Variants in COPG2 observed in about 807,000 individuals in gnomAD.
COPG2 encodes the protein coatomer subunit gamma-2.
Under a neutral mutation model 46.3 loss-of-function variants are expected in COPG2, and 37 were observed. The ratio of observed to expected loss-of-function variants is 0.80; its 90% confidence interval spans 0.61 to 1.05. COPG2 has a LOEUF of 1.05. COPG2 is among the 50% of genes least tolerant of loss of function. The probability of loss-of-function intolerance (pLI) is 0.00; values close to 1 mark genes in which losing one functional copy is unlikely to be tolerated. For synonymous variants in COPG2, 159 were observed against 129.7 expected (o/e 1.23, Z -1.53); for missense variants, 427 against 387.8 (o/e 1.10, Z -0.85).
In COPG2 at chr7:130,622,218, C is replaced by A. The variant is rs1383397832; in HGVS notation, c.324-5153G>T. Among the ~76,000 whole-genome samples, 4 of 152,232 alleles carry A rather than the reference C, an allele frequency of 2.6e-5. No individual in the cohort carries two copies. The East Asian group carries it at 7.7e-4, about 29-fold the overall frequency. ...CACTGGTTATTTAATGAGCAATCTT[C>A]CGAGGAGCCTTATGAAATACATCTC... On this transcript the variant is annotated intron_variant, in intron 5 of 23. Coordinates refer to ENST00000425248, the MANE Select transcript of COPG2 (RefSeq NM_012133.6).
intron 20 of COPG2, among the ~76,000 whole-genome samples, chr7:130,513,341 A>ATATATATATGTG (rs1215646008): frequency 6.0e-4 from 31 of 51,526 alleles, no homozygotes; most frequent in Non-Finnish European, 9.4e-4. Context: ...ATATATATAT[A>ATATATATATGTG]TGTGTGTGTG....
At chr7:130,591,586 G>A (rs1215456730) in intron 9 of COPG2, among the ~76,000 whole-genome samples, 4 of 134,470 alleles carry the variant, frequency 3.0e-5, no homozygotes, top group East Asian at 2.4e-4. Context: ...CAGCCGCCCC[G>A]TCCGGGAAGG....
Position 130,517,265 on chromosome 7 carries a change from T to C in COPG2, c.2150-8606A>G, listed in dbSNP as rs1799687262. 2.0e-5 allele frequency among the ~76,000 whole-genome samples: 3 copies of C among 152,116 alleles called. No individual in the cohort carries two copies. The South Asian group carries it at 6.2e-4, about 32-fold the overall frequency. ...TGGCTAGCTGAGTAAAGGACCATCG[T>C]ATAAAACAGACAAAAGTTAAGACTA... is the stretch of plus-strand genomic sequence containing the variant. On this transcript the variant is annotated intron_variant, in intron 20 of 23. Transcript: ENST00000425248.
At chr7:130,609,469 C>T (rs1554451710) in intron 9 of COPG2, among the ~76,000 whole-genome samples, 2 of 152,316 alleles carry the variant, frequency 1.3e-5, no homozygotes. Context: ...GAGGCTTCCC[C>T]AGCCACGTGG....
intron 11 of COPG2, among the ~76,000 whole-genome samples, chr7:130,562,390 A>C (rs1227288211): frequency 6.6e-6 from 1 of 152,160 alleles, no homozygotes; most frequent in Non-Finnish European, 1.5e-5. Flanking sequence ...AAACCATTTA[A>C]ATTGTTGTTC....
intron 20 of COPG2, among the ~76,000 whole-genome samples, chr7:130,532,495 A>G (rs1452367615): frequency 6.6e-6 from 1 of 151,588 alleles, no homozygotes; most frequent in Non-Finnish European, 1.5e-5. Flanking sequence ...ACCCAGGTGG[A>G]GCGGAGGAGC....
intron 5 of COPG2, among the ~76,000 whole-genome samples, chr7:130,651,657 C>T (rs1340269731): frequency 6.6e-6 from 1 of 151,370 alleles, no homozygotes; most frequent in Non-Finnish European, 1.5e-5. Context: ...GCTGGGACTA[C>T]AGGCGCCCGC....
rs920697661 is a variant in COPG2, at chr7:130,639,964, C to G, written c.323+12905G>C. Among the ~76,000 whole-genome samples the G allele has an allele frequency of 3.9e-5, 6 of 151,986 alleles. No individual in the cohort carries two copies. The South Asian group carries it at 1.3e-3, about 32-fold the overall frequency. ...ATGTGGCTTTTCCCCCACTCTTCACCCAACAGCCGTCCCTTTTCTCAGTGG... is the reference window on the plus strand; with the variant it reads ...ATGTGGCTTTTCCCCCACTCTTCACGCAACAGCCGTCCCTTTTCTCAGTGG... On this transcript the variant is annotated intron_variant, in intron 5 of 23. Transcript: ENST00000425248.
chr7:130,580,232 C>A (rs1195144384), intron 9 of COPG2, among the ~76,000 whole-genome samples: 1 of 152,012 alleles, frequency 6.6e-6, no homozygotes, highest in African/African-American at 2.4e-5. Flanking sequence ...GAACAACCTG[C>A]TCCTGAATGA....
intron 20 of COPG2, among the ~76,000 whole-genome samples, chr7:130,541,277 C>A (rs1290213976): frequency 6.6e-6 from 1 of 152,104 alleles, no homozygotes; most frequent in Non-Finnish European, 1.5e-5. Context: ...AGAGAAGGGC[C>A]TAGTGACACA....
At chr7:130,547,451 A>G in intron 20 of COPG2, 1 of 381,294 alleles carries the variant, frequency 2.6e-6, no homozygotes, top group Non-Finnish European at 4.6e-6. Context: ...TTAAGTGTTC[A>G]GCAAATTTTA....
chr7:130,573,248 C>CAGTTA (rs537420096), intron 9 of COPG2, among the ~76,000 whole-genome samples: 44 of 150,196 alleles, frequency 2.9e-4, no homozygotes, highest in African/African-American at 9.0e-4. Context: ...ATGGTCTCAC[C>CAGTTA]AGTTAATTCT....
At chr7:130,538,997 A>C (rs1001901756) in intron 20 of COPG2, among the ~76,000 whole-genome samples, 2 of 152,066 alleles carry the variant, frequency 1.3e-5, no homozygotes, top group Non-Finnish European at 2.9e-5. Context: ...GATAGGATGA[A>C]GGTTTGGGTG....
chr7:130,577,767 CAAAAAAAAAAAAAAA>C (rs782674348), intron 9 of COPG2, among the ~76,000 whole-genome samples: 5 of 78,148 alleles, frequency 6.4e-5, no homozygotes, highest in South Asian at 8.7e-4. Flanking sequence ...GACTCCGTCT[CAAAAAAAAAAAAAAA>C]AAAAAACAAA....
intron 5 of COPG2, among the ~76,000 whole-genome samples, chr7:130,633,057 C>G (rs1002644631): frequency 3.3e-5 from 5 of 152,158 alleles, no homozygotes; most frequent in African/African-American, 1.2e-4. Flanking sequence ...ATCCATGTCC[C>G]TGCAAAGGAC....
intron 20 of COPG2, among the ~76,000 whole-genome samples, chr7:130,516,541 C>T (rs1799679671): frequency 4.6e-5 from 7 of 152,002 alleles, no homozygotes; most frequent in Admixed American, 3.9e-4. Context: ...ATGCAAAAAT[C>T]GCAAAGAAGG....
At chr7:130,599,602 A>T (rs559209187) in intron 9 of COPG2, among the ~76,000 whole-genome samples, 5 of 152,268 alleles carry the variant, frequency 3.3e-5, no homozygotes, top group Admixed American at 1.3e-4. Context: ...TTGAGTTTGT[A>T]CATTTCTCTT....
At chr7:130,540,521 G>A (rs894787698) in intron 20 of COPG2, among the ~76,000 whole-genome samples, 66 of 152,184 alleles carry the variant, frequency 4.3e-4, no homozygotes, top group African/African-American at 1.4e-3. Context: ...AAGACGTATC[G>A]GGTGGGGAGG....
rs1793532409 is a variant in COPG2, at chr7:130,551,344, C to T, written c.1545G>A (p.Arg515=). 2 of 398,488 alleles carry T rather than the reference C, an allele frequency of 5.0e-6. No homozygotes were observed. Among genetic ancestry groups the T allele is most frequent in the Non-Finnish European group, 4.4e-6 (1 of 225,994 alleles). 24.7% of individuals were successfully genotyped at this position (398,488 alleles called of 1,614,324 possible). ...LLPSILVLLQ[R]CMMDTDDEVR... ...CCTCGTCATCAGTATCCATCATACA[C>T]CTGTCCAGGGGAAACAGAATAGTCA... is the stretch of plus-strand genomic sequence containing the variant. Residue 515 remains arginine (R), a splice_region_variant and synonymous_variant, in exon 16 of 24, where the codon AGG becomes AGA. Transcript: ENST00000425248.
Sources: allele counts gnomAD v4.1 joint callset (sites outside exome capture counted in the v4.1 genomes callset), GRCh38; gene constraint gnomAD v4.1.1; transcripts MANE v1.5; gene names NCBI Gene and HGNC (gene_info 2026-07-23, HGNC 2026-07-21).